Variants in FAM184A observed in about 807,000 individuals in gnomAD.
The protein encoded by FAM184A is family with sequence similarity 184 member A.
A neutral mutation model predicts 143.8 loss-of-function variants in FAM184A; 99 were observed. The observed-to-expected ratio is 0.69, with a 90% CI of 0.58 to 0.81. The LOEUF (loss-of-function observed/expected upper bound fraction) is 0.81, where lower values mean the gene tolerates loss of function less well. Ranked by LOEUF, FAM184A falls within the 40% of genes least tolerant of loss-of-function variation. The pLI, the probability that FAM184A is intolerant of heterozygous loss-of-function variation, is 0.00. For missense variants in FAM184A, 1,217 were observed against 1,310.5 expected, an observed-to-expected ratio of 0.93 and a Z score of 1.10; for synonymous variants, 427 against 446.4, an observed-to-expected ratio of 0.96 and a Z score of 0.55.
chr6:119,119,422 C>T (rs1451496841), intron 1 of FAM184A, among the ~76,000 whole-genome samples: 2 of 152,124 alleles, frequency 1.3e-5, no homozygotes, highest in Non-Finnish European at 2.9e-5. Flanking sequence ...CCCCGGACAC[C>T]CAGCTTTAAA....
chr6:119,056,351 A>G (rs1786974663), intron 1 of FAM184A, among the ~76,000 whole-genome samples: 1 of 152,180 alleles, frequency 6.6e-6, no homozygotes, highest in South Asian at 2.1e-4. Context: ...GATTTTGGAC[A>G]CGTAGTACTG....
intron 12 of FAM184A, among the ~76,000 whole-genome samples, 187 bp from the exon 13 acceptor site, chr6:118,975,395 T>C (rs117773146): frequency 0.015 from 2,330 of 152,320 alleles, 29 homozygotes; most frequent in Middle Eastern, 0.044. Flanking sequence ...AGTGTGTATA[T>C]GGATATAGCT....
chr6:119,121,318 A>G (rs1789206475), intron 1 of FAM184A, among the ~76,000 whole-genome samples: 1 of 151,700 alleles, frequency 6.6e-6, no homozygotes, highest in Admixed American at 6.6e-5. Context: ...TTTTTGTAGA[A>G]TAAAGATAGG....
chr6:119,129,684 G>C (rs116230390), intron 1 of FAM184A, among the ~76,000 whole-genome samples: 1 of 149,310 alleles, frequency 6.7e-6, no homozygotes, highest in African/African-American at 2.5e-5. Context: ...GAATAGGGGG[G>C]TGTTTTTTGG....
intron 1 of FAM184A, among the ~76,000 whole-genome samples, chr6:119,107,402 T>C (rs925544198): frequency 2.0e-5 from 3 of 152,096 alleles, no homozygotes; most frequent in African/African-American, 7.2e-5. Flanking sequence ...GTGCATTTAT[T>C]TGGTGAGGGA....
chr6:119,034,265 A>G (rs1328724723), intron 1 of FAM184A, among the ~76,000 whole-genome samples: 1 of 151,644 alleles, frequency 6.6e-6, no homozygotes, highest in Non-Finnish European at 1.5e-5. Context: ...TTCACCACCA[A>G]GCATTTGTAT....
intron 9 of FAM184A, among the ~76,000 whole-genome samples, chr6:118,989,031 G>A (rs992711490): frequency 4.3e-5 from 6 of 138,548 alleles, no homozygotes; most frequent in African/African-American, 1.1e-4. Context: ...GCACGATCTC[G>A]GCTCGGTGCA....
intron 4 of FAM184A, among the ~76,000 whole-genome samples, chr6:119,017,323 C>G (rs1276597200): frequency 6.6e-6 from 1 of 152,036 alleles, no homozygotes; most frequent in African/African-American, 2.4e-5. Flanking sequence ...ACGGTGAAAC[C>G]CCGTCTCTAC....
chr6:118,987,067 G>C (rs1382094587), intron 9 of FAM184A, among the ~76,000 whole-genome samples: 1 of 152,138 alleles, frequency 6.6e-6, no homozygotes, highest in African/African-American at 2.4e-5. Flanking sequence ...AAAACTTATG[G>C]GGTATGAGGA....
chr6:119,063,540 T>C (rs1350776629), intron 1 of FAM184A, among the ~76,000 whole-genome samples: 1 of 152,232 alleles, frequency 6.6e-6, no homozygotes, highest in Non-Finnish European at 1.5e-5. Flanking sequence ...AACATGTAAC[T>C]GCGAACATGT....
chr6:119,030,024 A>C (rs1248149137), intron 1 of FAM184A, among the ~76,000 whole-genome samples: 2 of 152,154 alleles, frequency 1.3e-5, no homozygotes, highest in Non-Finnish European at 1.5e-5. Flanking sequence ...AATTTGCAAT[A>C]GCTTGGTTTA....
At chr6:119,085,074 G>A (rs922714295) in intron 1 of FAM184A, among the ~76,000 whole-genome samples, 7 of 152,232 alleles carry the variant, frequency 4.6e-5, no homozygotes, top group Non-Finnish European at 8.8e-5. Flanking sequence ...TTGGCTATCA[G>A]CATTTGCTTT....
chr6:118,979,484 G>A lies in FAM184A; in HGVS notation c.2336C>T (p.Ala779Val). 1.2e-6 allele frequency: 2 copies of A among 1,613,026 alleles called. No individual in the cohort carries two copies. The highest frequency in any genetic ancestry group is 1.7e-6 in the Non-Finnish European group (2 of 1,179,648). Residue 779 changes from alanine (A) to valine (V), a missense_variant, in exon 11 of 18, where the codon GCA becomes GTA. Coordinates refer to ENST00000338891, the MANE Select transcript of FAM184A (RefSeq NM_024581.6). ...LENHLQQKHSAELQSLKDAHR... is the reference protein window; with the variant it reads ...LENHLQQKHSVELQSLKDAHR... ...TGCATCTTTTAGTGATTGAAGCTCT[G>A]CAGAATGCTTCTGTTGTAAATGATT...
At chr6:119,100,767 G>T (rs1022525747) in intron 1 of FAM184A, among the ~76,000 whole-genome samples, 7 of 151,966 alleles carry the variant, frequency 4.6e-5, no homozygotes, top group Non-Finnish European at 8.8e-5. Context: ...GACCAGCCTG[G>T]CCAATATGTC....
chr6:119,046,780 C>T (rs988513072), intron 1 of FAM184A, among the ~76,000 whole-genome samples: 4 of 152,138 alleles, frequency 2.6e-5, no homozygotes, highest in African/African-American at 7.2e-5. Flanking sequence ...GAGCAACTAC[C>T]GCTATAACCA....
chr6:119,075,558 G>A (rs376933525), intron 1 of FAM184A, among the ~76,000 whole-genome samples: 72 of 152,272 alleles, frequency 4.7e-4, no homozygotes, highest in African/African-American at 1.6e-3. Context: ...GCTCTTAAGT[G>A]TGCTGCTGCT....
chr6:119,078,666 C>A (rs1374755343), upstream of FAM184A: 2 of 168,468 alleles, frequency 1.2e-5, no homozygotes, highest in East Asian at 3.2e-4. This position sits in a 1 kb window ranked among gnomAD's most constrained non-coding sequence, Gnocchi z 5.5. Flanking sequence ...GGCGAGGCTG[C>A]GGAGGGAGGA....
At chr6:119,023,101 A>C in intron 2 of FAM184A, 21 bp from the exon 3 acceptor site, 1 of 1,612,948 alleles carries the variant, frequency 6.2e-7, no homozygotes, top group Non-Finnish European at 8.5e-7. Context: ...TTAAATAGCC[A>C]TTGTTAAAAT....
intron 1 of FAM184A, among the ~76,000 whole-genome samples, chr6:119,073,358 C>G (rs114956315): frequency 2.6e-5 from 4 of 152,188 alleles, no homozygotes; most frequent in Non-Finnish European, 5.9e-5. Flanking sequence ...GACTCTGTAT[C>G]AAAAGTGCAA....
Sources: allele counts gnomAD v4.1 joint callset (sites outside exome capture counted in the v4.1 genomes callset), GRCh38; gene constraint gnomAD v4.1.1; non-coding constraint Gnocchi (gnomAD v3.1); transcripts MANE v1.5; gene names NCBI Gene and HGNC (gene_info 2026-07-23, HGNC 2026-07-21).